The following CAMK2D variants were observed in gnomAD, a reference collection of about 807,000 sequenced individuals.
CAMK2D encodes the protein calcium/calmodulin dependent protein kinase II delta, also known as calcium/calmodulin-dependent protein kinase type II subunit delta.
Under a neutral mutation model 84.0 loss-of-function variants are expected in CAMK2D, and 37 were observed. That is an observed-to-expected ratio of 0.44 (90% CI 0.34 to 0.58). The LOEUF (loss-of-function observed/expected upper bound fraction) is 0.58, where lower values mean the gene tolerates loss of function less well. CAMK2D is among the 20% of genes least tolerant of loss of function. The pLI is 0.02. For missense variants in CAMK2D, 448 were observed against 652.5 expected, an observed-to-expected ratio of 0.69 and a Z score of 3.41; for synonymous variants, 202 against 212.5, an observed-to-expected ratio of 0.95 and a Z score of 0.43.
intron 4 of CAMK2D, among the ~76,000 whole-genome samples, chr4:113,552,472 G>A (rs2098635925): frequency 6.6e-6 from 1 of 152,146 alleles, no homozygotes. Context: ...TTGAGTATGA[G>A]TTTCCATGTA....
chr4:113,535,624 A>ACTT (rs1406307404), intron 7 of CAMK2D, among the ~76,000 whole-genome samples: 2 of 152,126 alleles, frequency 1.3e-5, no homozygotes, highest in Admixed American at 1.3e-4. Flanking sequence ...GCTTTATCAA[A>ACTT]CTTCTTGTTT....
intron 4 of CAMK2D, among the ~76,000 whole-genome samples, chr4:113,573,610 A>G (rs1362352036): frequency 6.6e-6 from 1 of 152,230 alleles, no homozygotes; most frequent in African/African-American, 2.4e-5. Flanking sequence ...ACCTTCAGGC[A>G]TTGTATAATA....
intron 2 of CAMK2D, among the ~76,000 whole-genome samples, chr4:113,718,009 T>A (rs1355639444): frequency 1.3e-5 from 2 of 152,060 alleles, no homozygotes; most frequent in Non-Finnish European, 2.9e-5. Context: ...AAAGCAAATC[T>A]ATGGGAATTA....
intron 18 of CAMK2D, 51 bp downstream of exon 18, chr4:113,460,096 A>G: frequency 9.2e-7 from 1 of 1,086,668 alleles, no homozygotes; most frequent in East Asian, 2.4e-5. Context: ...AATTTGGGAA[A>G]ATTCAGAGAG....
intron 4 of CAMK2D, among the ~76,000 whole-genome samples, chr4:113,586,889 G>C (rs1172428866): frequency 1.3e-5 from 2 of 152,132 alleles, no homozygotes; most frequent in African/African-American, 2.4e-5. Context: ...ATGGAACAAG[G>C]AAGGGATACA....
At chr4:113,519,532 A>G (rs1299645018) in intron 8 of CAMK2D, among the ~76,000 whole-genome samples, 2 of 151,756 alleles carry the variant, frequency 1.3e-5, no homozygotes, top group African/African-American at 2.4e-5. Flanking sequence ...AAAAAAAAAC[A>G]TATTATAGGT....
intron 19 of CAMK2D, 128 bp from the exon 20 acceptor site, chr4:113,455,949 C>A: frequency 1.9e-6 from 1 of 519,640 alleles, no homozygotes. Flanking sequence ...AATGTAACCC[C>A]TTCTATATTA....
At chr4:113,690,474 A>G (rs888710340) in intron 2 of CAMK2D, among the ~76,000 whole-genome samples, 5 of 152,200 alleles carry the variant, frequency 3.3e-5, no homozygotes, top group African/African-American at 1.2e-4. Flanking sequence ...GTGTTCCTAC[A>G]CTGATCTTTA....
chr4:113,565,199 C>G (rs1309608966), intron 4 of CAMK2D, among the ~76,000 whole-genome samples: 2 of 152,158 alleles, frequency 1.3e-5, no homozygotes, highest in African/African-American at 4.8e-5. Flanking sequence ...TGAAAGAGAA[C>G]AGGCAAGGTA....
intron 2 of CAMK2D, among the ~76,000 whole-genome samples, chr4:113,673,839 A>G (rs1224974066): frequency 2.6e-5 from 4 of 152,256 alleles, no homozygotes; most frequent in African/African-American, 9.6e-5. Flanking sequence ...AAAATCCTGA[A>G]ATGAGACTGT....
intron 16 of CAMK2D, among the ~76,000 whole-genome samples, chr4:113,469,793 T>C (rs2097525477): frequency 1.3e-5 from 2 of 152,178 alleles, no homozygotes; most frequent in Non-Finnish European, 2.9e-5. Flanking sequence ...CTGAGGATCA[T>C]ATTTGACTCC....
intron 3 of CAMK2D, among the ~76,000 whole-genome samples, chr4:113,644,553 G>A (rs1287280771): frequency 6.6e-6 from 1 of 152,186 alleles, no homozygotes; most frequent in Non-Finnish European, 1.5e-5. Flanking sequence ...AAGAAATCTA[G>A]TCAATGGGCA....
At chr4:113,560,916 G>A (rs78855440) in intron 4 of CAMK2D, among the ~76,000 whole-genome samples, 4,276 of 152,274 alleles carry the variant, frequency 0.028, 90 homozygotes, top group Non-Finnish European at 0.041. Context: ...AAGGCTAAGG[G>A]AAAAGAGAGG....
intron 4 of CAMK2D, among the ~76,000 whole-genome samples, chr4:113,557,663 T>C (rs891447986): frequency 1.3e-5 from 2 of 152,232 alleles, no homozygotes; most frequent in East Asian, 1.9e-4. Flanking sequence ...TGTCTTACCA[T>C]AGTACTTATC....
intron 16 of CAMK2D, among the ~76,000 whole-genome samples, chr4:113,474,334 C>G (rs888268522): frequency 1.3e-5 from 2 of 152,114 alleles, no homozygotes; most frequent in African/African-American, 2.4e-5. Flanking sequence ...TTTGCATGAT[C>G]AGAGATGTTC....
chr4:113,455,819 G>A lies in CAMK2D; in HGVS notation c.1538C>T (p.Pro513Leu), dbSNP rs753479517. ...RSGSPTVPIK[P>L]PCIPNGKENF... ...TTCTTTCCCATTTGGAATACAGGGT[G>A]GCCTATTAAGAGAAGCCCCATTTAA... The change falls in exon 20 of 21, where the codon CCA becomes CTA. Residue 513 changes from proline (P) to leucine (L), a missense_variant and splice_region_variant. Transcript: ENST00000511664. 2 of 1,601,834 alleles carry A rather than the reference G, an allele frequency of 1.2e-6. No individual in the cohort carries two copies. The highest frequency in any genetic ancestry group is 1.3e-5 in the African/African-American group (1 of 74,704).
At chr4:113,537,010 C>T (rs1004295039) in intron 7 of CAMK2D, among the ~76,000 whole-genome samples, 1 of 152,140 alleles carries the variant, frequency 6.6e-6, no homozygotes, top group Non-Finnish European at 1.5e-5. Flanking sequence ...TGCAAACAAT[C>T]AACTTTCTTT....
At chr4:113,630,869 T>C (rs1441662469) in intron 3 of CAMK2D, among the ~76,000 whole-genome samples, 1 of 152,190 alleles carries the variant, frequency 6.6e-6, no homozygotes, top group African/African-American at 2.4e-5. Flanking sequence ...GACTTCTAAG[T>C]TGCTAAGACA....
At position 113,493,210 on chromosome 4, in the gene CAMK2D, G is replaced by A. The variant is rs377568505; in HGVS notation, c.1135+7253C>T. Among the ~76,000 whole-genome samples, 1,373 of 150,944 alleles carry A rather than the reference G, an allele frequency of 9.1e-3. 14 individuals are homozygous for A. The highest frequency in any genetic ancestry group is 0.03 in the African/African-American group (1,241 of 40,994). The stretch of plus-strand genomic sequence containing the variant: ...ATGATGTTAGCTGGTTATTTTGCTC[G>A]TTAGTTGATGCAGTTTCTTCCTAGT... On this transcript the variant is annotated intron_variant, in intron 16 of 20. Coordinates refer to ENST00000511664, the MANE Select transcript of CAMK2D (RefSeq NM_001321571.2).
Sources: gnomAD v4.1 joint callset for allele counts (sites outside exome capture counted in the v4.1 genomes callset) on GRCh38, gnomAD v4.1.1 for gene constraint, MANE v1.5 for transcripts, NCBI Gene and HGNC (gene_info 2026-07-23, HGNC 2026-07-21) for gene names.